Variants in CREBBP observed in about 807,000 individuals in gnomAD.
The protein encoded by CREBBP is CREB binding lysine acetyltransferase.
Under a neutral mutation model 265.0 loss-of-function variants are expected in CREBBP, and 19 were observed. The observed-to-expected ratio is 0.07, with a 90% confidence interval of 0.05 to 0.11. CREBBP has a LOEUF of 0.11. Ranked by LOEUF, CREBBP falls within the 10% of genes least tolerant of loss-of-function variation. The pLI is 1.00. For missense variants in CREBBP, 2,525 were observed against 3,219.0 expected (o/e 0.78, Z 5.22); for synonymous variants, 1,457 against 1,223.7 (o/e 1.19, Z -3.98).
At chr16:3,828,856 A>G (rs750511770) in intron 2 of CREBBP, among the ~76,000 whole-genome samples, 2 of 152,212 alleles carry the variant, frequency 1.3e-5, no homozygotes, top group Non-Finnish European at 2.9e-5. Flanking sequence ...CACCCACCTC[A>G]CAGGATTATT....
chr16:3,872,189 T>C (rs1194546976), intron 1 of CREBBP, among the ~76,000 whole-genome samples: 1 of 152,154 alleles, frequency 6.6e-6, no homozygotes, highest in East Asian at 1.9e-4. Flanking sequence ...GGCAGTATTT[T>C]AAATACAGCC....
intron 2 of CREBBP, chr16:3,812,911 T>C (rs921240567): frequency 9.9e-6 from 2 of 202,936 alleles, no homozygotes; most frequent in African/African-American, 2.3e-5. Flanking sequence ...TAAGAAATCA[T>C]AGCTCAGTTC....
intron 1 of CREBBP, among the ~76,000 whole-genome samples, chr16:3,870,862 C>T (rs1305318666): frequency 3.3e-5 from 5 of 151,994 alleles, no homozygotes; most frequent in African/African-American, 7.3e-5. Flanking sequence ...TCAAAGTAAG[C>T]AGAAGTAGAG....
intron 5 of CREBBP, among the ~76,000 whole-genome samples, chr16:3,786,016 G>A (rs1056409093): frequency 3.3e-5 from 5 of 152,150 alleles, no homozygotes; most frequent in Admixed American, 2.0e-4. Flanking sequence ...GCTCTTTCTC[G>A]GACTCACCTG....
At chr16:3,761,737 A>C (rs909979888) in intron 16 of CREBBP, among the ~76,000 whole-genome samples, 1 of 152,268 alleles carries the variant, frequency 6.6e-6, no homozygotes, top group East Asian at 1.9e-4. Flanking sequence ...TCCAGGGTGC[A>C]GACGTGCCCT....
At position 3,852,035 on chromosome 16, in the gene CREBBP, C is replaced by CAAAAAAAA. The variant is rs551018184; in HGVS notation, c.86-1034_86-1027dup. ...CCTGGGCAACAGCGAGACTCCATCT[C>CAAAAAAAA]AAAAAAAAAAAAAAAAAAAAAAAAA... On this transcript the variant is annotated intron_variant, in intron 1 of 30. Transcript: ENST00000262367. 3.1e-3 allele frequency among the ~76,000 whole-genome samples: 35 copies of CAAAAAAAA among 11,202 alleles called. 6 individuals carry two copies. The highest frequency in any genetic ancestry group is 4.4e-3 in the Non-Finnish European group (25 of 5,676). The allele number at this position is 11,202 out of a possible 152,430, so 7.3% of individuals were successfully genotyped here. A position where few individuals can be genotyped will look rare whatever the true frequency, so the allele number is the denominator to read the frequency against.
chr16:3,773,769 G>A lies in CREBBP; in HGVS notation c.2445C>T (p.Ala815=), dbSNP rs1759848068. 4 of 1,613,742 alleles carry A rather than the reference G, an allele frequency of 2.5e-6. No individual in the cohort carries two copies. In the South Asian group the frequency reaches 3.3e-5, roughly 13 times the overall value. ...AMSVGMGQPP[A]QTGVSQGQVP... ...ACAGTACCTGTGACACGCCTGTTTGGGCTGGCGGCTGCCCCATGCCCACAC... is the reference window on the plus strand; with the variant it reads ...ACAGTACCTGTGACACGCCTGTTTGAGCTGGCGGCTGCCCCATGCCCACAC... The change falls in exon 13 of 31, where the codon GCC becomes GCT. Residue 815 remains alanine, a synonymous_variant. Transcript: ENST00000262367.
chr16:3,880,190 C>A lies in CREBBP; in HGVS notation c.-274G>T. The A allele has an allele frequency of 7.1e-6, 1 of 140,358 alleles. No individual in the cohort carries two copies. Among genetic ancestry groups the A allele is most frequent in the South Asian group, 1.9e-4 (1 of 5,220 alleles). 8.7% of individuals were successfully genotyped at this position (140,358 alleles called of 1,614,324 possible). A position where few individuals can be genotyped will look rare whatever the true frequency, so the allele number is the denominator to read the frequency against. On this transcript the variant is annotated 5_prime_UTR_variant, in exon 1 of 31. Coordinates refer to ENST00000262367, the MANE Select transcript of CREBBP (RefSeq NM_004380.3). ...GCCCCCTCATCCCCTGCCCGCCTCC[C>A]GAGCGCGACACTCCGCGGTGGGGGC...
intron 2 of CREBBP, among the ~76,000 whole-genome samples, chr16:3,821,714 T>C (rs563493314): frequency 6.6e-6 from 1 of 152,240 alleles, no homozygotes; most frequent in East Asian, 1.9e-4. Flanking sequence ...ATAAAAAATG[T>C]GAGAAAAATT....
intron 3 of CREBBP, among the ~76,000 whole-genome samples, chr16:3,804,843 A>G (rs2053796794): frequency 6.6e-6 from 1 of 152,194 alleles, no homozygotes; most frequent in African/African-American, 2.4e-5. Flanking sequence ...TTATGCTTCC[A>G]CCTAGGAGGT....
intron 19 of CREBBP, among the ~76,000 whole-genome samples, chr16:3,752,591 T>C (rs1000325854): frequency 6.6e-6 from 1 of 152,116 alleles, no homozygotes; most frequent in African/African-American, 2.4e-5. Context: ...AATATGAATA[T>C]ACAGAGTAAG....
At position 3,791,964 on chromosome 16, in the gene CREBBP, C is replaced by T. The variant is rs764405467; in HGVS notation, c.1330+17G>A. 1.1e-5 allele frequency: 18 copies of T among 1,579,876 alleles called. No homozygotes were observed. In the African/African-American group the frequency reaches 1.9e-4, roughly 17 times the overall value. On this transcript the variant is annotated intron_variant, in intron 5 of 30. Transcript: ENST00000262367. ...CTATTCTCATCTCCAAGCTTCTCTG[C>T]CCCCGTGCTCACTTACTTTGTTGGT...
chr16:3,844,628 A>G (rs529251962), intron 2 of CREBBP, among the ~76,000 whole-genome samples: 2 of 152,352 alleles, frequency 1.3e-5, no homozygotes, highest in Admixed American at 1.3e-4. Context: ...GAGCATAAAC[A>G]CTGGCAAAAA....
intron 3 of CREBBP, among the ~76,000 whole-genome samples, chr16:3,805,482 T>C (rs2053810601): frequency 6.6e-6 from 1 of 152,176 alleles, no homozygotes; most frequent in African/African-American, 2.4e-5. Context: ...AGCTTGTGTA[T>C]AATGTTAGGG....
At chr16:3,835,064 C>A (rs1015102848) in intron 2 of CREBBP, among the ~76,000 whole-genome samples, 6 of 152,098 alleles carry the variant, frequency 3.9e-5, no homozygotes, top group African/African-American at 1.2e-4. Flanking sequence ...GAGGCTGAGG[C>A]AGGAGAATGG....
intron 1 of CREBBP, among the ~76,000 whole-genome samples, chr16:3,878,585 A>C (rs2055451126): frequency 6.6e-6 from 1 of 152,216 alleles, no homozygotes; most frequent in African/African-American, 2.4e-5. Context: ...TTTCAACAGC[A>C]ATAGCAGTTT....
At chr16:3,768,324 C>G (rs1447632927) in intron 15 of CREBBP, among the ~76,000 whole-genome samples, 1 of 151,324 alleles carries the variant, frequency 6.6e-6, no homozygotes, top group East Asian at 1.9e-4. Context: ...TTTTTATATT[C>G]TTGGTAGATA....
chr16:3,846,111 A>C (rs1042647476), intron 2 of CREBBP, among the ~76,000 whole-genome samples: 20 of 152,224 alleles, frequency 1.3e-4, no homozygotes, highest in African/African-American at 3.1e-4. Flanking sequence ...GACTATGGCA[A>C]ATAACAAAGG....
chr16:3,824,206 C>T (rs1003600730), intron 2 of CREBBP, among the ~76,000 whole-genome samples: 4 of 152,240 alleles, frequency 2.6e-5, no homozygotes, highest in Admixed American at 2.6e-4. Context: ...ACAAGGGGGT[C>T]AAGAGCTGGG....
Sources: gnomAD v4.1 joint callset for allele counts (sites outside exome capture counted in the v4.1 genomes callset) on GRCh38, gnomAD v4.1.1 for gene constraint, MANE v1.5 for transcripts, NCBI Gene and HGNC (gene_info 2026-07-23, HGNC 2026-07-21) for gene names.